HAUS2: variants seen among roughly 807,000 people sequenced by gnomAD.
HAUS2 encodes HAUS augmin like complex subunit 2, also known as HAUS augmin-like complex subunit 2.
A neutral mutation model predicts 21.6 loss-of-function variants in HAUS2; 20 were observed. The ratio of observed to expected loss-of-function variants is 0.93; its 90% CI spans 0.65 to 1.35. The LOEUF (loss-of-function observed/expected upper bound fraction) is 1.35. Ranked by LOEUF, HAUS2 falls within the 40% of genes most tolerant of loss-of-function variation. The pLI is 0.00. For missense variants in HAUS2, 297 were observed against 280.7 expected (o/e 1.06, Z -0.42); for synonymous variants, 113 against 95.6 (o/e 1.18, Z -1.06).
chr15:42,563,371 C>T (rs577805736), intron 4 of HAUS2, among the ~76,000 whole-genome samples: 12 of 145,598 alleles, frequency 8.2e-5, no homozygotes, highest in African/African-American at 2.8e-4. Context: ...GAGATTGCAC[C>T]ACTGTGCTCC....
chr15:42,558,273 C>G lies in HAUS2; in HGVS notation c.169C>G (p.Gln57Glu). 8.4e-7 allele frequency: 1 copy of G among 1,193,368 alleles called. No homozygotes were observed. Among genetic ancestry groups the G allele is most frequent in the Non-Finnish European group, 1.2e-6 (1 of 818,222 alleles). The allele number at this position is 1,193,368 out of a possible 1,614,324, so 73.9% of individuals were successfully genotyped here. A position where few individuals can be genotyped will look rare whatever the true frequency, so the allele number is the denominator to read the frequency against. Residue 57 changes from glutamine (Q) to glutamate (E), a missense_variant, in exon 2 of 6, where the codon CAA becomes GAA. Gln to Glu is a conservative substitution (Grantham distance 29). Transcript: ENST00000260372. ...FTRLQQITNIQAEIYQKNLEI... is the reference protein window; with the variant it reads ...FTRLQQITNIEAEIYQKNLEI... Reference sequence around the variant, plus strand: ...CAGACTACAGCAGATCACAAATATTCAAGCTGAAATCTACCAGGTAAATCA... The same window carrying G: ...CAGACTACAGCAGATCACAAATATTGAAGCTGAAATCTACCAGGTAAATCA...
At position 42,568,421 on chromosome 15, in the gene HAUS2, C is replaced by G. The variant is rs2057927732; in HGVS notation, c.*1605C>G. On this transcript the variant is annotated 3_prime_UTR_variant, in exon 6 of 6. Transcript: ENST00000260372. ...TCTAAACTTAGCCTTTTATCATGAG[C>G]CCACTCCCAAGATAGCAGCACTAAT... is the stretch of plus-strand genomic sequence containing the variant. 1 of 152,182 alleles carries G rather than the reference C, an allele frequency of 6.6e-6. No individual in the cohort carries two copies. The highest frequency in any genetic ancestry group is 6.5e-5 in the Admixed American group (1 of 15,284). 9.4% of individuals were successfully genotyped at this position (152,182 alleles called of 1,614,324 possible). A position where few individuals can be genotyped will look rare whatever the true frequency, so the allele number is the denominator to read the frequency against.
At chr15:42,563,410 C>CAAAAAAA (rs745358598) in intron 4 of HAUS2, among the ~76,000 whole-genome samples, 3 of 59,304 alleles carry the variant, frequency 5.1e-5, no homozygotes, top group Non-Finnish European at 7.0e-5. Context: ...GACTCCATCT[C>CAAAAAAA]AAAAAAAAAA....
In HAUS2 at chr15:42,569,281, TTTG is replaced by T. The variant is rs2057936927; in HGVS notation, c.*2468_*2470del. ...CATGTACATCAGTTTTGTTTTTTGT[TTTG>T]TTCTTTTCTTTCCTTTTTTTTTTTT... On this transcript the variant is annotated 3_prime_UTR_variant, in exon 6 of 6. Coordinates refer to ENST00000260372, the MANE Select transcript of HAUS2 (RefSeq NM_018097.3). The T allele has an allele frequency of 6.6e-6, 1 of 151,442 alleles. No individual in the cohort carries two copies. Among genetic ancestry groups the T allele is most frequent in the Non-Finnish European group, 1.5e-5 (1 of 68,014 alleles). The allele number at this position is 151,442 out of a possible 1,614,324, so 9.4% of individuals were successfully genotyped here.
intron 1 of HAUS2, among the ~76,000 whole-genome samples, chr15:42,556,773 G>T (rs114268592): frequency 6.6e-6 from 1 of 151,380 alleles, no homozygotes; most frequent in African/African-American, 2.4e-5. Context: ...GGGAGGCTGA[G>T]GCGGGTGGAT....
chr15:42,553,198 G>C (rs1401854711), intron 1 of HAUS2, among the ~76,000 whole-genome samples: 1 of 151,958 alleles, frequency 6.6e-6, no homozygotes. Context: ...TGTTGGTCAG[G>C]CAGTTCTCGA....
chr15:42,561,630 T>G (rs2057854737), intron 4 of HAUS2: 1 of 418,958 alleles, frequency 2.4e-6, no homozygotes, highest in Non-Finnish European at 4.3e-6. Context: ...AATTATGAGT[T>G]TAATGAAAGA....
rs2057931814 is a variant in HAUS2, at chr15:42,568,800, T to A, written c.*1984T>A. ...TGCTGGTGGAATGAAACAACAGATA[T>A]GTGTGACTCCACTGTTAGAGGACTC... On this transcript the variant is annotated 3_prime_UTR_variant, in exon 6 of 6. Coordinates refer to ENST00000260372, the MANE Select transcript of HAUS2 (RefSeq NM_018097.3). 1 of 152,208 alleles carries A rather than the reference T, an allele frequency of 6.6e-6. No individual in the cohort carries two copies. The highest frequency in any genetic ancestry group is 2.4e-5 in the African/African-American group (1 of 41,466). 9.4% of individuals were successfully genotyped at this position (152,208 alleles called of 1,614,324 possible). A position where few individuals can be genotyped will look rare whatever the true frequency, so the allele number is the denominator to read the frequency against.
intron 1 of HAUS2, 78 bp downstream of exon 1, chr15:42,549,043 C>A: frequency 1.1e-6 from 1 of 933,176 alleles, no homozygotes; most frequent in Non-Finnish European, 1.7e-6. Context: ...GTGCTGCTGG[C>A]TGTGGGAGTG....
Position 42,559,387 on chromosome 15 carries a change from G to A in HAUS2, c.235G>A (p.Val79Ile), listed in dbSNP as rs968969893. ...LLKLEKDTAD[V>I]VHPFFLAQKC... Reference sequence around the variant, plus strand: ...GAAACTAGAAAAAGATACAGCAGATGTTGTTCATCCTTTCTTTTTGGGTAA... The same window carrying A: ...GAAACTAGAAAAAGATACAGCAGATATTGTTCATCCTTTCTTTTTGGGTAA... The change falls in exon 3 of 6, where the codon GTT becomes ATT. Residue 79 changes from valine (V) to isoleucine (I), a missense_variant. Physicochemically the swap from Val to Ile is conservative, Grantham distance 29. Transcript: ENST00000260372. 6.2e-7 allele frequency: 1 copy of A among 1,604,164 alleles called. No individual in the cohort carries two copies. Among genetic ancestry groups the A allele is most frequent in the Admixed American group, 1.7e-5 (1 of 59,970 alleles).
intron 5 of HAUS2, among the ~76,000 whole-genome samples, chr15:42,565,387 A>ATGTGTGTGTGTGTGTGTG (rs139933934): frequency 2.2e-5 from 3 of 136,396 alleles, no homozygotes; most frequent in Admixed American, 7.7e-5. Flanking sequence ...GAGCCATTGA[A>ATGTGTGTGTGTGTGTGTG]TGTGTGTGTG....
intron 1 of HAUS2, among the ~76,000 whole-genome samples, chr15:42,555,293 T>C (rs1035443143): frequency 1.3e-5 from 2 of 152,002 alleles, no homozygotes; most frequent in Non-Finnish European, 2.9e-5. Flanking sequence ...GCTGCCTGGC[T>C]AATTTTTTTA....
intron 2 of HAUS2, 150 bp from the exon 3 acceptor site, chr15:42,559,189 C>T (rs2057822595): frequency 3.9e-6 from 2 of 509,716 alleles, no homozygotes; most frequent in Non-Finnish European, 7.0e-6. Flanking sequence ...TACTGGAGTG[C>T]AGTGGCACAA....
At chr15:42,562,442 G>A (rs1027820213) in intron 4 of HAUS2, among the ~76,000 whole-genome samples, 2 of 152,050 alleles carry the variant, frequency 1.3e-5, no homozygotes, top group African/African-American at 2.4e-5. Context: ...CAAAACATAC[G>A]AAATATGCTG....
chr15:42,563,849 A>C lies in HAUS2; in HGVS notation c.490A>C (p.Lys164Gln). Reference sequence around the variant, plus strand: ...TATTCCTCATTTAGCTGCAAATCTAAAGAAAATGGTGAGTATTAATATAGC... The same window carrying C: ...TATTCCTCATTTAGCTGCAAATCTACAGAAAATGGTGAGTATTAATATAGC... Reference protein sequence around the residue: ...RNIPHLAANLKKMNQALAKMD... With the variant: ...RNIPHLAANLQKMNQALAKMD... The change falls in exon 5 of 6, where the codon AAG (lysine) becomes CAG (glutamine). Residue 164 changes from lysine (K) to glutamine (Q), a missense_variant. By Grantham distance (53) the Lys-to-Gln change is moderately conservative (BLOSUM62 1). Transcript: ENST00000260372. 7.1e-7 allele frequency: 1 copy of C among 1,414,896 alleles called. No homozygotes were observed. Among genetic ancestry groups the C allele is most frequent in the East Asian group, 2.3e-5 (1 of 43,648 alleles). The allele number at this position is 1,414,896 out of a possible 1,614,324, so 87.6% of individuals were successfully genotyped here.
chr15:42,563,094 CAG>C (rs1298051909), intron 4 of HAUS2, among the ~76,000 whole-genome samples: 1 of 136,372 alleles, frequency 7.3e-6, no homozygotes, highest in East Asian at 2.2e-4. Flanking sequence ...GCCTGGGCAA[CAG>C]AGTCAGACTC....
At chr15:42,556,465 A>G (rs1372171450) in intron 1 of HAUS2, among the ~76,000 whole-genome samples, 1 of 150,656 alleles carries the variant, frequency 6.6e-6, no homozygotes, top group Non-Finnish European at 1.5e-5. Flanking sequence ...GGGTTTCACC[A>G]TGTTGTCCAG....
intron 3 of HAUS2, among the ~76,000 whole-genome samples, chr15:42,560,087 C>T (rs907420252): frequency 3.3e-5 from 5 of 152,150 alleles, no homozygotes; most frequent in African/African-American, 1.2e-4. Context: ...CCTGGGAGGT[C>T]GAGGCTGCAA....
At chr15:42,554,835 C>T (rs73406518) in intron 1 of HAUS2, among the ~76,000 whole-genome samples, 13,457 of 150,762 alleles carry the variant, frequency 0.089, 663 homozygotes, top group South Asian at 0.16. Context: ...CCACCTTCCC[C>T]GCCGCCGCTG....
Sources: allele counts gnomAD v4.1 joint callset (sites outside exome capture counted in the v4.1 genomes callset), GRCh38; gene constraint gnomAD v4.1.1; transcripts MANE v1.5; gene names NCBI Gene and HGNC (gene_info 2026-07-23, HGNC 2026-07-21).